The following SNX25 variants were observed in gnomAD, a reference collection of about 807,000 sequenced individuals.
SNX25 encodes the protein sorting nexin 25, also known as sorting nexin-25.
SNX25 carries 62 observed loss-of-function variants against 113.7 expected under a neutral mutation model. The ratio of observed to expected loss-of-function variants is 0.55; its 90% CI spans 0.44 to 0.67. SNX25 has a LOEUF of 0.67. SNX25 is among the 30% of genes least tolerant of loss of function. The pLI is 0.00. For synonymous variants in SNX25, 421 were observed against 436.2 expected, an observed-to-expected ratio of 0.97 and a Z score of 0.43; for missense variants, 1,014 against 1,161.0, an observed-to-expected ratio of 0.87 and a Z score of 1.84.
At chr4:185,368,583 G>A (rs2095401012), downstream of SNX25, among the ~76,000 whole-genome samples, 3 of 152,058 alleles carry the variant, frequency 2.0e-5, no homozygotes, top group Non-Finnish European at 4.4e-5. Flanking sequence ...CATATCATGC[G>A]TCATATGATA....
chr4:185,247,723 T>C (rs1342125219), intron 2 of SNX25, among the ~76,000 whole-genome samples: 1 of 152,074 alleles, frequency 6.6e-6, no homozygotes, highest in Admixed American at 6.6e-5. Context: ...TTGGGATAAA[T>C]AGACTCAGGC....
intron 1 of SNX25, among the ~76,000 whole-genome samples, chr4:185,237,714 G>A (rs1033714322): frequency 7.9e-5 from 12 of 151,774 alleles, no homozygotes; most frequent in Non-Finnish European, 1.5e-4. Flanking sequence ...TGAATTAGTT[G>A]GAGATATCGT....
chr4:185,224,486 TATAA>T (rs1181289854), intron 1 of SNX25, among the ~76,000 whole-genome samples: 216 of 69,192 alleles, frequency 3.1e-3, no homozygotes, highest in East Asian at 0.03. Flanking sequence ...TATATAGATA[TATAA>T]ATAGATATAT....
intron 9 of SNX25, among the ~76,000 whole-genome samples, chr4:185,325,532 C>CAA (rs34665853): frequency 0.084 from 9,314 of 110,924 alleles, 598 homozygotes; most frequent in African/African-American, 0.1. Context: ...GACTCCGTCT[C>CAA]AAAAAAAAAA....
chr4:185,332,129 G>A (rs2095199695), intron 9 of SNX25, among the ~76,000 whole-genome samples: 1 of 152,222 alleles, frequency 6.6e-6, no homozygotes, highest in African/African-American at 2.4e-5. Context: ...GAGAAGGACT[G>A]AACAAAGTAT....
chr4:185,348,135 CT>C (rs572319799), intron 13 of SNX25, among the ~76,000 whole-genome samples: 3 of 152,058 alleles, frequency 2.0e-5, no homozygotes, highest in African/African-American at 7.2e-5. Flanking sequence ...ATAACAACCA[CT>C]TTTTTTTCCT....
rs555625236 is a variant in SNX25 at position 185,246,187 on chromosome 4, A to C, written c.430-1107A>C. The stretch of plus-strand genomic sequence containing the variant: ...GAAGTCCCAGCTACTCTGGAGGCTG[A>C]GGCAGGAGAATCACTTGAACCTGGG... On this transcript the variant is annotated intron_variant, in intron 1 of 18. Transcript: ENST00000652585. Among the ~76,000 whole-genome samples the C allele has an allele frequency of 3.3e-5, 5 of 152,328 alleles. No homozygotes were observed. In the East Asian group the frequency reaches 9.6e-4, roughly 29 times the overall value.
intron 1 of SNX25, among the ~76,000 whole-genome samples, chr4:185,218,700 G>A (rs374263902): frequency 1.3e-5 from 2 of 152,156 alleles, no homozygotes; most frequent in African/African-American, 4.8e-5. Context: ...GCATCCTTAG[G>A]ATAAGACACA....
Position 185,361,936 on chromosome 4 carries a change from C to T in SNX25, c.2664C>T (p.Asp888=), listed in dbSNP as rs201226901. The T allele has an allele frequency of 3.0e-5, 49 of 1,613,760 alleles. No individual in the cohort carries two copies. The East Asian group carries it at 1.1e-3, about 35-fold the overall frequency. ...TTTCTCTTAAAAGACAAATCCGGGA[C>T]ACAGTCAGCTGGATTTTCAGTGAGC... The part of the protein sequence containing the change: ...FGRTINKQIR[D]TVSWIFSEQM... Residue 888 remains aspartate (D), a synonymous_variant, in exon 17 of 19, where the codon GAC becomes GAT. Coordinates refer to ENST00000652585, the MANE Select transcript of SNX25 (RefSeq NM_001378034.2).
intron 10 of SNX25, among the ~76,000 whole-genome samples, chr4:185,337,861 C>T (rs1167779740): frequency 6.6e-6 from 1 of 152,170 alleles, no homozygotes; most frequent in African/African-American, 2.4e-5. Context: ...AGTCATCCTA[C>T]TACTATCTTA....
intron 2 of SNX25, among the ~76,000 whole-genome samples, chr4:185,256,872 C>G (rs1285059830): frequency 6.6e-6 from 1 of 151,986 alleles, no homozygotes; most frequent in Non-Finnish European, 1.5e-5. Context: ...GTTCCTCCCA[C>G]CTCGGCCTCC....
At chr4:185,238,059 T>C (rs1301347368) in intron 1 of SNX25, among the ~76,000 whole-genome samples, 3 of 78,820 alleles carry the variant, frequency 3.8e-5, no homozygotes, top group Non-Finnish European at 5.1e-5. Flanking sequence ...CGAGACTCCA[T>C]CTCAAAAAAA....
At chr4:185,345,972 C>T (rs141478942) in intron 12 of SNX25, among the ~76,000 whole-genome samples, 93 of 152,252 alleles carry the variant, frequency 6.1e-4, no homozygotes, top group African/African-American at 2.2e-3. Flanking sequence ...ATTCTCCTGC[C>T]TCAGCCTCCC....
intron 2 of SNX25, among the ~76,000 whole-genome samples, chr4:185,253,624 A>G (rs964733475): frequency 6.6e-6 from 1 of 151,918 alleles, no homozygotes; most frequent in African/African-American, 2.4e-5. Context: ...ATGAGCTACC[A>G]CGCCCGGCTA....
chr4:185,377,384 G>A, the SNX25 span: 2 of 187,438 alleles, frequency 1.1e-5, no homozygotes, highest in Admixed American at 5.5e-5. Context: ...AGGGCGTGGT[G>A]GTGCATGCCT....
rs553227310 is a variant in SNX25 at position 185,323,652 on chromosome 4, A to G, written c.1601A>G (p.Glu534Gly). The G allele has an allele frequency of 1.2e-6, 2 of 1,613,644 alleles. No individual in the cohort carries two copies. Among genetic ancestry groups the G allele is most frequent in the East Asian group, 4.5e-5 (2 of 44,802 alleles). Residue 534 changes from glutamate to glycine, a missense_variant, in exon 9 of 19, where the codon GAA (glutamate) becomes GGA (glycine). By Grantham distance (98) the Glu-to-Gly change is moderately conservative (BLOSUM62 -2). Coordinates refer to ENST00000652585, the MANE Select transcript of SNX25 (RefSeq NM_001378034.2). ...QQCLVGNKGIEVFYKIQEDVY... is the reference protein window; with the variant it reads ...QQCLVGNKGIGVFYKIQEDVY... ...TGTCTTGTAGGAAATAAAGGTATTG[A>G]AGTATTCTACAAAATCCAGGAAGAT...
chr4:185,227,299 G>A (rs1287883485), intron 1 of SNX25, among the ~76,000 whole-genome samples: 1 of 152,220 alleles, frequency 6.6e-6, no homozygotes, highest in African/African-American at 2.4e-5. Flanking sequence ...ACCTCATTGT[G>A]TGGAGAACTA....
intron 1 of SNX25, among the ~76,000 whole-genome samples, chr4:185,238,234 G>A (rs982463573): frequency 2.6e-5 from 4 of 151,898 alleles, no homozygotes; most frequent in Non-Finnish European, 4.4e-5. Flanking sequence ...AGCTAGAGAG[G>A]GGAGTGGCTG....
chr4:185,231,103 T>G (rs981767259), intron 1 of SNX25, among the ~76,000 whole-genome samples: 1 of 16,826 alleles, frequency 5.9e-5, no homozygotes, highest in African/African-American at 1.7e-4. Flanking sequence ...CTTTTTTTTG[T>G]TTTTTTTTTT....
Sources: gnomAD v4.1 joint callset for allele counts (sites outside exome capture counted in the v4.1 genomes callset) on GRCh38, gnomAD v4.1.1 for gene constraint, MANE v1.5 for transcripts, NCBI Gene and HGNC (gene_info 2026-07-23, HGNC 2026-07-21) for gene names.